Variants in DACH1 observed in about 807,000 individuals in gnomAD.
The protein encoded by DACH1 is dachshund homolog 1.
In DACH1, 12 loss-of-function variants were observed where a neutral mutation model predicts 54.2. The observed-to-expected ratio is 0.22, with a 90% confidence interval of 0.14 to 0.36. The LOEUF (loss-of-function observed/expected upper bound fraction) is 0.36, where lower values mean the gene tolerates loss of function less well. DACH1 is among the 10% of genes least tolerant of loss of function. The pLI is 1.00. For synonymous variants in DACH1, 386 were observed against 366.2 expected, an observed-to-expected ratio of 1.05 and a Z score of -0.62; for missense variants, 805 against 929.8, an observed-to-expected ratio of 0.87 and a Z score of 1.75.
Position 71,866,763 on chromosome 13 carries a change from C to T in DACH1, c.7G>A (p.Val3Met). The change falls in exon 1 of 11, where the codon GTG becomes ATG. Residue 3 changes from valine (V) to methionine (M), a missense_variant. This residue lies in a region of DACH1 where 305 missense variants were observed against 308.7 expected (regional missense o/e 0.99). Transcript: ENST00000613252. Reference sequence around the variant, plus strand: ...GTCGGAGGGATCAAAGCCGCCGGCACTGCCATGGTCACATATAAGGGGAAA... The same window carrying T: ...GTCGGAGGGATCAAAGCCGCCGGCATTGCCATGGTCACATATAAGGGGAAA... MA[V>M]PAALIPPTQL... is the part of the protein sequence containing the mutation. 7.3e-7 allele frequency: 1 copy of T among 1,360,890 alleles called. No individual in the cohort carries two copies. Among genetic ancestry groups the T allele is most frequent in the Non-Finnish European group, 9.5e-7 (1 of 1,048,222 alleles). The allele number at this position is 1,360,890 out of a possible 1,614,324, so 84.3% of individuals were successfully genotyped here.
chr13:71,641,207 C>A lies in DACH1; in HGVS notation c.965-10490G>T, dbSNP rs75551028. Among the ~76,000 whole-genome samples the A allele has an allele frequency of 9.5e-3, 1,438 of 152,062 alleles. 27 individuals are homozygous for A. The highest frequency in any genetic ancestry group is 0.032 in the African/African-American group (1,333 of 41,512). ...ATGTTTTTCAAGGAAAAGACTCATG[C>A]AAGAAATTTATTCATATATACATAC... On this transcript the variant is annotated intron_variant, in intron 2 of 10. Coordinates refer to ENST00000613252, the MANE Select transcript of DACH1 (RefSeq NM_080759.6).
At chr13:71,780,441 AT>A (rs1170497082) in intron 1 of DACH1, among the ~76,000 whole-genome samples, 1 of 152,102 alleles carries the variant, frequency 6.6e-6, no homozygotes, top group Non-Finnish European at 1.5e-5. Context: ...TTTATCCCTT[AT>A]AAAACATATC....
intron 1 of DACH1, among the ~76,000 whole-genome samples, chr13:71,714,461 A>G (rs1882879162): frequency 2.0e-5 from 3 of 152,258 alleles, no homozygotes; most frequent in Admixed American, 2.0e-4. Flanking sequence ...TTATAGCAAC[A>G]ACTTGTTCAT....
In DACH1 at chr13:71,635,441, T is replaced by A. The variant is rs1047124786; in HGVS notation, c.965-4724A>T. On this transcript the variant is annotated intron_variant, in intron 2 of 10. Coordinates refer to ENST00000613252, the MANE Select transcript of DACH1 (RefSeq NM_080759.6). ...ATAGCTTACAATCTATACAGTAGCC[T>A]TAAATAGAGGTCTCATTGTATATGT... Among the ~76,000 whole-genome samples, 11 of 152,304 alleles carry A rather than the reference T, an allele frequency of 7.2e-5. No homozygotes were observed. In the East Asian group the frequency reaches 2.1e-3, roughly 29 times the overall value.
intron 1 of DACH1, among the ~76,000 whole-genome samples, chr13:71,816,960 C>G: frequency 6.6e-6 from 1 of 151,994 alleles, no homozygotes; most frequent in Non-Finnish European, 1.5e-5. Context: ...CTAATGGGTA[C>G]TAGGCTTGAT....
At chr13:71,636,566 A>C (rs972079717) in intron 2 of DACH1, among the ~76,000 whole-genome samples, 1 of 149,010 alleles carries the variant, frequency 6.7e-6, no homozygotes, top group Non-Finnish European at 1.5e-5. Flanking sequence ...AATAATAATA[A>C]TAATAATAAT....
intron 1 of DACH1, among the ~76,000 whole-genome samples, chr13:71,774,074 A>G (rs544462783): frequency 1.3e-5 from 2 of 152,016 alleles, no homozygotes; most frequent in East Asian, 3.9e-4. Context: ...TCAAAATGAT[A>G]TTCAGTGATG....
At chr13:71,625,814 C>G (rs142925246) in intron 3 of DACH1, among the ~76,000 whole-genome samples, 2,225 of 152,056 alleles carry the variant, frequency 0.015, 17 homozygotes, top group Middle Eastern at 0.024. Context: ...ACAAGTACTT[C>G]CCTTCCTTAA....
intron 2 of DACH1, among the ~76,000 whole-genome samples, chr13:71,669,616 G>T (rs947058098): frequency 2.0e-5 from 3 of 152,072 alleles, no homozygotes; most frequent in African/African-American, 4.8e-5. Context: ...ACCAGTCCCT[G>T]GTGCCAAAAA....
intron 1 of DACH1, among the ~76,000 whole-genome samples, chr13:71,857,028 T>C (rs745996877): frequency 6.6e-5 from 10 of 151,814 alleles, no homozygotes; most frequent in Non-Finnish European, 8.9e-5. Context: ...AGCAATGAAA[T>C]AAACCAATAA....
intron 3 of DACH1, among the ~76,000 whole-genome samples, chr13:71,624,423 A>G (rs1876488273): frequency 6.6e-6 from 1 of 151,786 alleles, no homozygotes; most frequent in Non-Finnish European, 1.5e-5. Context: ...ATTAATTGAC[A>G]GCTATCAGTT....
chr13:71,841,855 C>A lies in DACH1; in HGVS notation c.848+24067G>T, dbSNP rs1332426594. ...CTGGAAAAATGAAAATGACAAAAGGCATTTATTGAATTCCTACTAACTTCT... is the reference window on the plus strand; with the variant it reads ...CTGGAAAAATGAAAATGACAAAAGGAATTTATTGAATTCCTACTAACTTCT... On this transcript the variant is annotated intron_variant, in intron 1 of 10. Coordinates refer to ENST00000613252, the MANE Select transcript of DACH1 (RefSeq NM_080759.6). Among the ~76,000 whole-genome samples, 3 of 152,286 alleles carry A rather than the reference C, an allele frequency of 2.0e-5. No individual in the cohort carries two copies. The East Asian group carries it at 5.8e-4, about 29-fold the overall frequency.
At chr13:71,650,063 C>T (rs1033786807) in intron 2 of DACH1, among the ~76,000 whole-genome samples, 2 of 152,156 alleles carry the variant, frequency 1.3e-5, no homozygotes, top group Admixed American at 6.5e-5. Flanking sequence ...TCTTTAAACG[C>T]ATATTGGAGC....
At chr13:71,672,507 G>T (rs577067732) in intron 2 of DACH1, among the ~76,000 whole-genome samples, 1 of 152,080 alleles carries the variant, frequency 6.6e-6, no homozygotes, top group South Asian at 2.1e-4. Flanking sequence ...AACATTTTAT[G>T]GTTAAATCTT....
chr13:71,754,314 T>C (rs762843913), intron 1 of DACH1, among the ~76,000 whole-genome samples: 1 of 152,198 alleles, frequency 6.6e-6, no homozygotes. Flanking sequence ...ATATGAGATA[T>C]GCTTCCTGGC....
intron 1 of DACH1, among the ~76,000 whole-genome samples, chr13:71,778,245 C>T (rs572807454): frequency 5.9e-5 from 9 of 152,126 alleles, no homozygotes; most frequent in South Asian, 2.1e-4. Context: ...ACAACTCAGT[C>T]GGTGATATTC....
chr13:71,820,298 T>C (rs1163465734), intron 1 of DACH1, among the ~76,000 whole-genome samples: 2 of 151,962 alleles, frequency 1.3e-5, no homozygotes, highest in Non-Finnish European at 2.9e-5. Flanking sequence ...CACCATACCA[T>C]TATCCTAGTA....
chr13:71,795,174 G>A (rs577934416), intron 1 of DACH1, among the ~76,000 whole-genome samples: 1 of 137,106 alleles, frequency 7.3e-6, no homozygotes, highest in Non-Finnish European at 1.5e-5. Context: ...AATGATCAAA[G>A]CATTTACAAA....
chr13:71,803,997 G>A (rs1887388829), intron 1 of DACH1, among the ~76,000 whole-genome samples: 1 of 152,138 alleles, frequency 6.6e-6, no homozygotes, highest in Non-Finnish European at 1.5e-5. Context: ...AGGAGGAACA[G>A]ATTGGCTTTT....
Sources: allele counts gnomAD v4.1 joint callset (sites outside exome capture counted in the v4.1 genomes callset), GRCh38; gene constraint gnomAD v4.1.1; regional missense constraint gnomAD v4.1.1; transcripts MANE v1.5; gene names NCBI Gene and HGNC (gene_info 2026-07-23, HGNC 2026-07-21).